ZBTB7C: variants seen among roughly 807,000 people sequenced by gnomAD.
ZBTB7C encodes the protein zinc finger and BTB domain containing 7C.
ZBTB7C carries 8 observed loss-of-function variants against 25.7 expected under a neutral mutation model. The observed-to-expected ratio is 0.31, with a 90% CI of 0.18 to 0.56. ZBTB7C has a LOEUF of 0.56. ZBTB7C is among the 20% of genes least tolerant of loss of function. ZBTB7C has a pLI of 0.91. For missense variants in ZBTB7C, 824 were observed against 855.2 expected (o/e 0.96, Z 0.46); for synonymous variants, 394 against 369.0 (o/e 1.07, Z -0.78).
intron 4 of ZBTB7C, among the ~76,000 whole-genome samples, chr18:48,036,891 C>T (rs1372472893): frequency 1.3e-5 from 2 of 152,186 alleles, no homozygotes; most frequent in Non-Finnish European, 2.9e-5. Context: ...AAAACCTCAA[C>T]CTGGACAGAC....
At chr18:48,136,936 C>G (rs1202506035) in intron 3 of ZBTB7C, 9 of 970,494 alleles carry the variant, frequency 9.3e-6, no homozygotes, top group Non-Finnish European at 1.1e-5. Context: ...CCCCTCCCCA[C>G]GGCCCGGCCG....
At chr18:48,317,225 C>G (rs2045969237) in intron 2 of ZBTB7C, among the ~76,000 whole-genome samples, 1 of 139,630 alleles carries the variant, frequency 7.2e-6, no homozygotes, top group African/African-American at 2.7e-5. Context: ...CCACTGCAAT[C>G]CAGCCTGGGC....
Position 48,307,645 on chromosome 18 carries a change from C to T in ZBTB7C, c.-79+30529G>A, listed in dbSNP as rs755857915. On this transcript the variant is annotated intron_variant, in intron 2 of 4. Coordinates refer to ENST00000590800, the MANE Select transcript of ZBTB7C (RefSeq NM_001318841.2). ...TGGGTGGATGGCAAGGTCAAGAGAT[C>T]GAGACCATGCTGGCCAACGTGGTGA... Among the ~76,000 whole-genome samples, 100 of 152,288 alleles carry T rather than the reference C, an allele frequency of 6.6e-4. 3 individuals carry two copies. The highest frequency in any genetic ancestry group is 3.4e-4 in the Non-Finnish European group (23 of 68,030).
intron 3 of ZBTB7C, among the ~76,000 whole-genome samples, chr18:48,079,772 G>A (rs1219999634): frequency 1.3e-5 from 2 of 152,242 alleles, no homozygotes; most frequent in South Asian, 2.1e-4. Context: ...ATTCCACTTC[G>A]TGGGGTATGA....
intron 1 of ZBTB7C, among the ~76,000 whole-genome samples, chr18:48,389,108 G>C (rs1016900021): frequency 1.3e-5 from 2 of 151,784 alleles, no homozygotes; most frequent in African/African-American, 2.4e-5. Flanking sequence ...TGGAAGCCTC[G>C]GGCTGTGAGT....
At chr18:48,341,887 C>A (rs983289910) in intron 1 of ZBTB7C, among the ~76,000 whole-genome samples, 2 of 152,184 alleles carry the variant, frequency 1.3e-5, no homozygotes, top group East Asian at 3.9e-4. Flanking sequence ...AGAAACCCTG[C>A]CGTTGGTGGG....
intron 2 of ZBTB7C, among the ~76,000 whole-genome samples, chr18:48,245,733 GC>G (rs2043674917): frequency 6.6e-6 from 1 of 152,134 alleles, no homozygotes; most frequent in Non-Finnish European, 1.5e-5. Flanking sequence ...GAATGCTAGA[GC>G]CGGTTGAGCC....
chr18:48,133,174 C>A (rs1287344029), intron 3 of ZBTB7C, among the ~76,000 whole-genome samples: 1 of 152,224 alleles, frequency 6.6e-6, no homozygotes, highest in Non-Finnish European at 1.5e-5. Flanking sequence ...CATGCACACA[C>A]AAGCCAAGCT....
At chr18:48,280,848 C>CT (rs55760047) in intron 2 of ZBTB7C, among the ~76,000 whole-genome samples, 858 of 79,458 alleles carry the variant, frequency 0.011, 13 homozygotes, top group East Asian at 0.028. Flanking sequence ...TTTTCTCTCT[C>CT]TTTTTTTTTT....
chr18:48,317,441 T>G (rs1443775258), intron 2 of ZBTB7C, among the ~76,000 whole-genome samples: 1 of 152,104 alleles, frequency 6.6e-6, no homozygotes, highest in Non-Finnish European at 1.5e-5. Flanking sequence ...GCCTACTGTT[T>G]TGACCCAGCT....
At chr18:48,323,583 C>A (rs2046146943) in intron 2 of ZBTB7C, among the ~76,000 whole-genome samples, 1 of 152,114 alleles carries the variant, frequency 6.6e-6, no homozygotes, top group Non-Finnish European at 1.5e-5. Context: ...AGTTCTATGA[C>A]TTTGCCATTC....
intron 3 of ZBTB7C, among the ~76,000 whole-genome samples, chr18:48,130,849 A>C (rs139701570): frequency 1.6e-3 from 237 of 152,244 alleles, no homozygotes; most frequent in African/African-American, 5.4e-3. Context: ...CTCCCTTGAG[A>C]TTCAACTTCA....
chr18:48,029,689 G>T lies in ZBTB7C; in HGVS notation c.1431C>A (p.Pro477=), dbSNP rs1262305346. Residue 477 remains proline (P), a synonymous_variant, in exon 5 of 5, where the codon CCC becomes CCA. Transcript: ENST00000590800. ...ACGCAGCAGGCTTGCGGCCGCGTCG[G>T]GGCCGTGCCATGCGGCAGCTCTGGC... ...IKRQSCRMAR[P]RRGRKPAAWR... is the part of the protein sequence containing the mutation. 1.9e-6 allele frequency: 3 copies of T among 1,593,996 alleles called. No individual in the cohort carries two copies. Among genetic ancestry groups the T allele is most frequent in the Non-Finnish European group, 8.5e-7 (1 of 1,175,590 alleles).
intron 1 of ZBTB7C, among the ~76,000 whole-genome samples, chr18:48,380,849 C>T (rs573623529): frequency 5.3e-5 from 8 of 152,228 alleles, no homozygotes; most frequent in South Asian, 2.1e-4. Context: ...CTGGGTATGA[C>T]GTATACGAAA....
intron 3 of ZBTB7C, chr18:48,041,483 GC>G: frequency 1.0e-6 from 1 of 985,446 alleles, no homozygotes; most frequent in Non-Finnish European, 1.2e-6. Flanking sequence ...CCTAGCTGTT[GC>G]CTTGGCTGCA....
intron 2 of ZBTB7C, among the ~76,000 whole-genome samples, chr18:48,214,456 A>T (rs1407057857): frequency 2.0e-5 from 3 of 152,212 alleles, no homozygotes; most frequent in Non-Finnish European, 4.4e-5. Flanking sequence ...ACATGTTGGC[A>T]GGACTGGTTT....
At chr18:48,119,206 T>C (rs1280715536) in intron 3 of ZBTB7C, among the ~76,000 whole-genome samples, 1 of 152,226 alleles carries the variant, frequency 6.6e-6, no homozygotes, top group Non-Finnish European at 1.5e-5. Flanking sequence ...GAACCATGAC[T>C]CTACACTAAA....
chr18:48,118,863 A>G (rs1025208715), intron 3 of ZBTB7C, among the ~76,000 whole-genome samples: 6 of 152,176 alleles, frequency 3.9e-5, no homozygotes, highest in African/African-American at 1.2e-4. Flanking sequence ...AACAATATCA[A>G]TTGGAGTTCT....
chr18:48,373,970 A>AC (rs1362466824), intron 1 of ZBTB7C, among the ~76,000 whole-genome samples: 37 of 150,700 alleles, frequency 2.5e-4, no homozygotes, highest in Admixed American at 1.3e-3. Context: ...CAAAAAAAAA[A>AC]AAAGCATGTG....
Sources: allele counts gnomAD v4.1 joint callset (sites outside exome capture counted in the v4.1 genomes callset), GRCh38; gene constraint gnomAD v4.1.1; transcripts MANE v1.5; gene names NCBI Gene and HGNC (gene_info 2026-07-23, HGNC 2026-07-21).